The following ZNF346 variants were observed in gnomAD, a reference collection of about 807,000 sequenced individuals.
ZNF346 encodes the protein double-stranded RNA-binding zinc finger protein JAZ.
A neutral mutation model predicts 33.7 loss-of-function variants in ZNF346; 23 were observed. The ratio of observed to expected loss-of-function variants is 0.68; its 90% CI spans 0.49 to 0.97. The LOEUF (loss-of-function observed/expected upper bound fraction) is 0.97, where lower values mean the gene tolerates loss of function less well. ZNF346 is among the 50% of genes least tolerant of loss of function. ZNF346 has a pLI of 0.00. For synonymous variants in ZNF346, 134 were observed against 142.4 expected (o/e 0.94, Z 0.42); for missense variants, 340 against 371.1 (o/e 0.92, Z 0.69).
At chr5:177,038,267 T>TG (rs376240463) in intron 1 of ZNF346, among the ~76,000 whole-genome samples, 22 of 148,622 alleles carry the variant, frequency 1.5e-4, no homozygotes, top group East Asian at 4.0e-4. Context: ...TTTTTTTTTT[T>TG]TGTGTGTGTG....
At chr5:177,047,949 C>CAAAAAATATATG (rs1334115737) in intron 4 of ZNF346, among the ~76,000 whole-genome samples, 4 of 152,070 alleles carry the variant, frequency 2.6e-5, no homozygotes, top group Non-Finnish European at 5.9e-5. Flanking sequence ...ATACAATTGC[C>CAAAAAATATATG]TTCTATATGT....
At chr5:177,068,007 G>A (rs1338545898), downstream of ZNF346, among the ~76,000 whole-genome samples, 1 of 152,172 alleles carries the variant, frequency 6.6e-6, no homozygotes, top group African/African-American at 2.4e-5. Context: ...AAGGTATCAT[G>A]ATTTGCCCAA....
intron 4 of ZNF346, among the ~76,000 whole-genome samples, chr5:177,046,190 T>A (rs1247366911): frequency 6.6e-6 from 1 of 151,610 alleles, no homozygotes; most frequent in East Asian, 1.9e-4. Context: ...AGTCCCAGCT[T>A]CTTGGGAGAC....
At chr5:177,046,977 C>T (rs975887058) in intron 4 of ZNF346, among the ~76,000 whole-genome samples, 2 of 151,836 alleles carry the variant, frequency 1.3e-5, no homozygotes, top group Non-Finnish European at 2.9e-5. Flanking sequence ...TTTAAAATAC[C>T]AGTATGCACA....
chr5:177,052,172 AT>A (rs772764834), intron 5 of ZNF346, among the ~76,000 whole-genome samples: 3,013 of 142,660 alleles, frequency 0.021, 78 homozygotes, highest in African/African-American at 0.066. Context: ...CAAAAAAACA[AT>A]TTTTTTTTTT....
intron 4 of ZNF346, among the ~76,000 whole-genome samples, chr5:177,046,457 A>T (rs1251535693): frequency 2.6e-5 from 4 of 152,156 alleles, no homozygotes; most frequent in Non-Finnish European, 5.9e-5. Context: ...GTTTTTATAT[A>T]GTTGTGATCA....
At chr5:177,072,277 T>TC (rs2149718511), downstream of ZNF346, among the ~76,000 whole-genome samples, 1 of 152,332 alleles carries the variant, frequency 6.6e-6, no homozygotes, top group Admixed American at 6.5e-5. Flanking sequence ...GATTTCCCCT[T>TC]CCCTCAGGAC....
chr5:177,047,288 A>G (rs1235744011), intron 4 of ZNF346, among the ~76,000 whole-genome samples: 2 of 151,020 alleles, frequency 1.3e-5, no homozygotes, highest in African/African-American at 2.4e-5. Context: ...GCCTCAAACA[A>G]TGATCTTACC....
At chr5:177,060,775 T>A (rs989112380) in intron 5 of ZNF346, among the ~76,000 whole-genome samples, 6 of 151,978 alleles carry the variant, frequency 3.9e-5, no homozygotes, top group African/African-American at 1.2e-4. Flanking sequence ...GCCATTGCAC[T>A]CCAGCCTGGG....
chr5:177,065,802 C>G lies in ZNF346; in HGVS notation c.*1203C>G, dbSNP rs1390982117. The G allele has an allele frequency of 6.6e-6, 1 of 151,710 alleles. No individual in the cohort carries two copies. Among genetic ancestry groups the G allele is most frequent in the Admixed American group, 6.6e-5 (1 of 15,170 alleles). 9.4% of individuals were successfully genotyped at this position (151,710 alleles called of 1,614,324 possible). A position where few individuals can be genotyped will look rare whatever the true frequency, so the allele number is the denominator to read the frequency against. ...CCTAGCTGCTCTCGTGGCCTCCTTCCCCCACTCCCTATCCCTTCACCTGTG... is the reference window on the plus strand; with the variant it reads ...CCTAGCTGCTCTCGTGGCCTCCTTCGCCCACTCCCTATCCCTTCACCTGTG... On this transcript the variant is annotated 3_prime_UTR_variant, in exon 7 of 7. Coordinates refer to ENST00000358149, the MANE Select transcript of ZNF346 (RefSeq NM_012279.4).
chr5:177,072,710 G>A (rs1783563334), downstream of ZNF346, among the ~76,000 whole-genome samples: 2 of 152,136 alleles, frequency 1.3e-5, no homozygotes, highest in African/African-American at 2.4e-5. Flanking sequence ...TTAGTCAGGC[G>A]TGGTGGCGCA....
chr5:177,068,839 T>G (rs1783360399), downstream of ZNF346, among the ~76,000 whole-genome samples: 1 of 143,020 alleles, frequency 7.0e-6, no homozygotes, highest in Admixed American at 6.7e-5. Context: ...TTTAACTGTT[T>G]CCTTTTTTTC....
At chr5:177,080,808 CA>C (rs1301009920) in exon 9 of ZNF346, 2 of 151,452 alleles carry the variant, frequency 1.3e-5, no homozygotes, top group Non-Finnish European at 2.9e-5. Context: ...ACTCTGTCTC[CA>C]AAAAAAACCC....
chr5:177,041,595 T>G (rs913372525), intron 2 of ZNF346, among the ~76,000 whole-genome samples, 183 bp from the exon 3 acceptor site: 4 of 152,230 alleles, frequency 2.6e-5, no homozygotes, highest in Admixed American at 6.5e-5. Flanking sequence ...TCTCATAGAT[T>G]GTGAAGATTA....
At chr5:177,048,158 T>G (rs1177198966) in intron 4 of ZNF346, among the ~76,000 whole-genome samples, 1 of 152,004 alleles carries the variant, frequency 6.6e-6, no homozygotes, top group Admixed American at 6.6e-5. Context: ...CAGGTTATTT[T>G]CTGAGAACAG....
At chr5:177,048,825 G>C (rs899787613) in intron 4 of ZNF346, among the ~76,000 whole-genome samples, 2 of 129,298 alleles carry the variant, frequency 1.5e-5, no homozygotes, top group Non-Finnish European at 3.1e-5. Context: ...CACTCTTTTC[G>C]CTCAGAGTGG....
At chr5:177,039,978 A>G (rs1313617395) in intron 1 of ZNF346, among the ~76,000 whole-genome samples, 2 of 152,128 alleles carry the variant, frequency 1.3e-5, no homozygotes, top group Non-Finnish European at 2.9e-5. Flanking sequence ...CAGGAGATCG[A>G]GACCATCCTG....
chr5:177,028,318 C>T (rs1454339496), intron 1 of ZNF346, among the ~76,000 whole-genome samples: 1 of 150,462 alleles, frequency 6.6e-6, no homozygotes, highest in Non-Finnish European at 1.5e-5. Context: ...ACTGGGATTA[C>T]AGATGTGAGG....
In ZNF346 at chr5:177,047,193, C is replaced by T. The variant is rs558374974; in HGVS notation, c.517+2660C>T. Among the ~76,000 whole-genome samples, 23 of 151,850 alleles carry T rather than the reference C, an allele frequency of 1.5e-4. No homozygotes were observed. In the South Asian group the frequency reaches 2.9e-3, roughly 19 times the overall value. ...CCTCCCAAGTAGCTGGGACTACAGGCGCGTGCCACCGCGCCTGGCCAATTT... is the reference window on the plus strand; with the variant it reads ...CCTCCCAAGTAGCTGGGACTACAGGTGCGTGCCACCGCGCCTGGCCAATTT... On this transcript the variant is annotated intron_variant, in intron 4 of 6. Coordinates refer to ENST00000358149, the MANE Select transcript of ZNF346 (RefSeq NM_012279.4).
Sources: gnomAD v4.1 joint callset for allele counts (sites outside exome capture counted in the v4.1 genomes callset) on GRCh38, gnomAD v4.1.1 for gene constraint, MANE v1.5 for transcripts, NCBI Gene and HGNC (gene_info 2026-07-23, HGNC 2026-07-21) for gene names.